The following BCL2L13 variants were observed in gnomAD, a reference collection of about 807,000 sequenced individuals.
BCL2L13 encodes the protein BCL2 like 13, also known as bcl-2-like protein 13.
A neutral mutation model predicts 25.8 loss-of-function variants in BCL2L13; 13 were observed. The observed-to-expected ratio is 0.50, with a 90% confidence interval of 0.33 to 0.80. The LOEUF is 0.80. Among genes scored for constraint, BCL2L13 ranks in the 30% least tolerant of loss-of-function variants. The pLI is 0.02. For synonymous variants in BCL2L13, 244 were observed against 230.3 expected, an observed-to-expected ratio of 1.06 and a Z score of -0.54; for missense variants, 504 against 574.9, an observed-to-expected ratio of 0.88 and a Z score of 1.26.
intron 6 of BCL2L13, 120 bp downstream of exon 6, chr22:17,702,506 C>G (rs1411945107): frequency 8.2e-6 from 8 of 976,526 alleles, no homozygotes; most frequent in Non-Finnish European, 9.8e-6. Flanking sequence ...ATTGCTGGCA[C>G]TATCATGGCA....
At chr22:17,718,526 G>A (rs2061009683) in intron 6 of BCL2L13, among the ~76,000 whole-genome samples, 1 of 152,144 alleles carries the variant, frequency 6.6e-6, no homozygotes, top group African/African-American at 2.4e-5. Flanking sequence ...ATTGATGATG[G>A]TCCCAGAAAT....
chr22:17,654,166 C>T (rs960777608), intron 1 of BCL2L13, among the ~76,000 whole-genome samples: 50 of 151,716 alleles, frequency 3.3e-4, no homozygotes, highest in African/African-American at 1.1e-3. Context: ...AGTGCAGTGG[C>T]GTGATCATGG....
At position 17,638,904 on chromosome 22, in the gene BCL2L13, C is replaced by T; in HGVS notation, c.-51+18C>T. 8.1e-7 allele frequency: 1 copy of T among 1,231,908 alleles called. No individual in the cohort carries two copies. Among genetic ancestry groups the T allele is most frequent in the Non-Finnish European group, 1.0e-6 (1 of 988,194 alleles). The allele number at this position is 1,231,908 out of a possible 1,614,324, so 76.3% of individuals were successfully genotyped here. On this transcript the variant is annotated intron_variant, in intron 1 of 6. Transcript: ENST00000317582. ...AGGGCCAGGTGAGGGGAGTGGGGTT[C>T]CGGGAAGGCTGAGCTGGGTGAGGAG...
chr22:17,647,718 G>T (rs2058542449), intron 1 of BCL2L13, among the ~76,000 whole-genome samples: 1 of 152,162 alleles, frequency 6.6e-6, no homozygotes, highest in African/African-American at 2.4e-5. Context: ...AATTGTTCTT[G>T]TTTCTCCATC....
intron 1 of BCL2L13, among the ~76,000 whole-genome samples, chr22:17,649,218 C>T (rs1306579837): frequency 6.6e-6 from 1 of 152,092 alleles, no homozygotes; most frequent in African/African-American, 2.4e-5. Context: ...TTGCCTCAGC[C>T]TCCGGAGTGG....
At chr22:17,682,563 T>C (rs889827098) in intron 2 of BCL2L13, among the ~76,000 whole-genome samples, 19 of 152,294 alleles carry the variant, frequency 1.2e-4, no homozygotes, top group Admixed American at 9.8e-4. Flanking sequence ...TTAAAAAGGA[T>C]ACATTGTCTA....
intron 1 of BCL2L13, among the ~76,000 whole-genome samples, chr22:17,652,200 A>C (rs2058710486): frequency 6.6e-6 from 1 of 151,866 alleles, no homozygotes. Flanking sequence ...TTAAGCAAAA[A>C]ATTTTTTTTA....
chr22:17,671,991 G>A (rs562147056), intron 2 of BCL2L13, among the ~76,000 whole-genome samples: 1 of 152,358 alleles, frequency 6.6e-6, no homozygotes, highest in African/African-American at 2.4e-5. Context: ...TGGGATTACA[G>A]GCATGAGCCA....
chr22:17,698,556 T>TA lies in BCL2L13; in HGVS notation c.456+2367dup, dbSNP rs55650486. Among the ~76,000 whole-genome samples the TA allele has an allele frequency of 1.1e-3, 149 of 129,934 alleles. 2 individuals carry two copies. The highest frequency in any genetic ancestry group is 9.1e-3 in the Middle Eastern group (2 of 220). 85.2% of individuals were successfully genotyped at this position (129,934 alleles called of 152,430 possible). A position where few individuals can be genotyped will look rare whatever the true frequency, so the allele number is the denominator to read the frequency against. Reference sequence around the variant, plus strand: ...GGCAACATAGCAAGACCCTGTCTCTTAAAAAAAAAAAAAAAAAAAAAGCCA... The same window carrying TA: ...GGCAACATAGCAAGACCCTGTCTCTTAAAAAAAAAAAAAAAAAAAAAAGCCA... On this transcript the variant is annotated intron_variant, in intron 5 of 6. Coordinates refer to ENST00000317582, the MANE Select transcript of BCL2L13 (RefSeq NM_015367.4).
chr22:17,711,144 C>T (rs966449822), intron 6 of BCL2L13, among the ~76,000 whole-genome samples: 3 of 151,458 alleles, frequency 2.0e-5, no homozygotes, highest in Non-Finnish European at 2.9e-5. Flanking sequence ...ATCTATTGAG[C>T]CCAGGATTTT....
At chr22:17,631,670 G>GTA (rs1181793721) in intron 1 of BCL2L13, among the ~76,000 whole-genome samples, 53 of 26,880 alleles carry the variant, frequency 2.0e-3, no homozygotes, top group South Asian at 4.0e-3. Context: ...GTGTGTGTGT[G>GTA]TATATATATA....
upstream of BCL2L13, among the ~76,000 whole-genome samples, chr22:17,633,665 G>T (rs2058063811): frequency 2.0e-5 from 3 of 152,236 alleles, no homozygotes; most frequent in South Asian, 6.2e-4. Flanking sequence ...CGAAAGACTA[G>T]AAGTAAATGT....
chr22:17,688,110 C>T (rs1477319715), intron 3 of BCL2L13, among the ~76,000 whole-genome samples: 4 of 152,150 alleles, frequency 2.6e-5, no homozygotes, highest in Admixed American at 6.6e-5. Context: ...TGCGCCACCG[C>T]GCCCGGCCTT....
In BCL2L13 at chr22:17,662,628, C is replaced by A. The variant is rs530926623; in HGVS notation, c.121+6796C>A. Among the ~76,000 whole-genome samples the A allele has an allele frequency of 3.3e-5, 5 of 152,112 alleles. No individual in the cohort carries two copies. In the East Asian group the frequency reaches 9.7e-4, roughly 29 times the overall value. ...CTTGAGCCCAGGAATTCGAGACCAGCCTACATGGCGAAACCCCGCCTCTAC... is the reference window on the plus strand; with the variant it reads ...CTTGAGCCCAGGAATTCGAGACCAGACTACATGGCGAAACCCCGCCTCTAC... On this transcript the variant is annotated intron_variant, in intron 2 of 6. Transcript: ENST00000317582.
intron 1 of BCL2L13, among the ~76,000 whole-genome samples, chr22:17,648,026 A>T (rs2058554509): frequency 6.6e-6 from 1 of 151,790 alleles, no homozygotes. Flanking sequence ...GCTGCTTGGG[A>T]GGCTGAGGTA....
Position 17,696,190 on chromosome 22 carries a change from C to T in BCL2L13, c.436C>T (p.His146Tyr). ...GGAATGTACACTGGAGACCACAGTT[C>T]ATGCCAGCGGCTGGAATAAGGTATC... Reference protein sequence around the residue: ...FRECTLETTVHASGWNKILVP... With the variant: ...FRECTLETTVYASGWNKILVP... Residue 146 changes from histidine (H) to tyrosine (Y), a missense_variant, in exon 5 of 7, where the codon CAT (histidine) becomes TAT (tyrosine). Coordinates refer to ENST00000317582, the MANE Select transcript of BCL2L13 (RefSeq NM_015367.4). 2 of 1,613,858 alleles carry T rather than the reference C, an allele frequency of 1.2e-6. No homozygotes were observed. The highest frequency in any genetic ancestry group is 1.7e-6 in the Non-Finnish European group (2 of 1,179,770).
chr22:17,708,473 C>G (rs553127528), intron 6 of BCL2L13, among the ~76,000 whole-genome samples: 1 of 152,316 alleles, frequency 6.6e-6, no homozygotes, highest in South Asian at 2.1e-4. Flanking sequence ...TAATAATCCT[C>G]TCATAGCATT....
At position 17,727,348 on chromosome 22, in the gene BCL2L13, G is replaced by C. The variant is rs2061326342; in HGVS notation, c.1272G>C (p.Glu424Asp). ...CAAGGGAAGAGAGCCTTGTGGAAGA[G>C]CTGTCCCCTGCCAGCGAGAAGAAGC... ...INAREESLVE[E>D]LSPASEKKPV... The change falls in exon 7 of 7, where the codon GAG becomes GAC. Residue 424 changes from glutamate (E) to aspartate (D), a missense_variant. Glu to Asp is a conservative substitution (Grantham distance 45). Coordinates refer to ENST00000317582, the MANE Select transcript of BCL2L13 (RefSeq NM_015367.4). 1 of 1,614,130 alleles carries C rather than the reference G, an allele frequency of 6.2e-7. No individual in the cohort carries two copies. The highest frequency in any genetic ancestry group is 1.1e-5 in the South Asian group (1 of 91,092).
intron 4 of BCL2L13, chr22:17,692,310 G>A (rs2145643540): frequency 6.6e-6 from 1 of 152,222 alleles, no homozygotes; most frequent in South Asian, 2.1e-4. Flanking sequence ...CATTTTTTGT[G>A]CATGTATGTC....
Sources: gnomAD v4.1 joint callset for allele counts (sites outside exome capture counted in the v4.1 genomes callset) on GRCh38, gnomAD v4.1.1 for gene constraint, MANE v1.5 for transcripts, NCBI Gene and HGNC (gene_info 2026-07-23, HGNC 2026-07-21) for gene names.